Variants in MTHFD2L observed in about 807,000 individuals in gnomAD.
MTHFD2L encodes the protein bifunctional methylenetetrahydrofolate dehydrogenase/cyclohydrolase 2, mitochondrial.
A neutral mutation model predicts 34.9 loss-of-function variants in MTHFD2L; 29 were observed. The ratio of observed to expected loss-of-function variants is 0.83; its 90% CI spans 0.62 to 1.13. MTHFD2L has a LOEUF of 1.13. Ranked by LOEUF, MTHFD2L falls within the 50% of genes most tolerant of loss-of-function variation. The pLI is 0.00. For missense variants in MTHFD2L, 481 were observed against 446.5 expected (o/e 1.08, Z -0.70); for synonymous variants, 167 against 155.7 (o/e 1.07, Z -0.54).
chr4:74,190,181 T>C (rs192463174), intron 3 of MTHFD2L, among the ~76,000 whole-genome samples: 5 of 152,278 alleles, frequency 3.3e-5, no homozygotes, highest in African/African-American at 1.2e-4. Flanking sequence ...AATCTAAGTG[T>C]TTTCTTCTAT....
At chr4:74,258,917 A>G (rs2110217087) in intron 6 of MTHFD2L, among the ~76,000 whole-genome samples, 1 of 152,350 alleles carries the variant, frequency 6.6e-6, no homozygotes, top group Middle Eastern at 3.4e-3. Flanking sequence ...AAAAAAATAA[A>G]TAAATAACTT....
chr4:74,166,036 A>G (rs544702999), intron 1 of MTHFD2L, among the ~76,000 whole-genome samples: 1 of 152,382 alleles, frequency 6.6e-6, no homozygotes, highest in African/African-American at 2.4e-5. Context: ...TTATTCCAGG[A>G]AATTTTATTC....
chr4:74,284,862 AT>A (rs1747957577), intron 7 of MTHFD2L, among the ~76,000 whole-genome samples: 2 of 152,152 alleles, frequency 1.3e-5, no homozygotes, highest in South Asian at 2.1e-4. Flanking sequence ...AGGACTATAA[AT>A]CATGCTGCTA....
chr4:74,268,169 A>T (rs1352235713), intron 6 of MTHFD2L: 1 of 983,682 alleles, frequency 1.0e-6, no homozygotes, highest in African/African-American at 1.8e-5. Flanking sequence ...TACCTGGGAG[A>T]AGACACTGAG....
chr4:74,204,195 G>A (rs1041389133), intron 5 of MTHFD2L, among the ~76,000 whole-genome samples: 3 of 151,970 alleles, frequency 2.0e-5, no homozygotes, highest in Non-Finnish European at 2.9e-5. Flanking sequence ...CTGTGATCTC[G>A]GGCAAGTCAT....
chr4:74,131,394 C>A (rs181922826), intron 1 of MTHFD2L, among the ~76,000 whole-genome samples: 1 of 152,120 alleles, frequency 6.6e-6, no homozygotes, highest in Non-Finnish European at 1.5e-5. Context: ...GATATACAGA[C>A]CAATGGAACA....
chr4:74,259,114 T>G (rs374651191), intron 6 of MTHFD2L, among the ~76,000 whole-genome samples: 7 of 152,240 alleles, frequency 4.6e-5, no homozygotes, highest in African/African-American at 1.7e-4. Flanking sequence ...ACAAAAACTT[T>G]ATTCCAGGAA....
chr4:74,232,285 T>C (rs947041539), intron 6 of MTHFD2L, among the ~76,000 whole-genome samples: 1 of 152,180 alleles, frequency 6.6e-6, no homozygotes, highest in Non-Finnish European at 1.5e-5. Context: ...TGTTCATAGA[T>C]GTGTATTATG....
intron 1 of MTHFD2L, among the ~76,000 whole-genome samples, chr4:74,141,722 A>G (rs746029995): frequency 3.9e-5 from 6 of 152,156 alleles, no homozygotes; most frequent in Non-Finnish European, 7.3e-5. Context: ...TTGAAATAAT[A>G]TTATTCTTGT....
intron 3 of MTHFD2L, among the ~76,000 whole-genome samples, chr4:74,177,101 A>G (rs1031675185): frequency 5.9e-5 from 9 of 151,942 alleles, no homozygotes; most frequent in African/African-American, 2.2e-4. Context: ...GCTCTGGCAG[A>G]TAATGCTTAC....
chr4:74,119,469 A>G (rs1721712961), upstream of MTHFD2L, among the ~76,000 whole-genome samples: 1 of 152,196 alleles, frequency 6.6e-6, no homozygotes, highest in Admixed American at 6.6e-5. Flanking sequence ...AAGACTGCCA[A>G]CAAAAAGAAA....
chr4:74,234,910 A>C (rs937144053), intron 6 of MTHFD2L, among the ~76,000 whole-genome samples: 2 of 151,998 alleles, frequency 1.3e-5, no homozygotes, highest in Non-Finnish European at 2.9e-5. Flanking sequence ...TTTTCCTCTG[A>C]CTCTGAAAAG....
chr4:74,193,073 T>A (rs1732843639), intron 3 of MTHFD2L, among the ~76,000 whole-genome samples: 1 of 152,216 alleles, frequency 6.6e-6, no homozygotes, highest in Non-Finnish European at 1.5e-5. Flanking sequence ...AACTATATAA[T>A]TTTAACTTTT....
At chr4:74,123,625 T>C (rs189616870), upstream of MTHFD2L, among the ~76,000 whole-genome samples, 867 of 152,300 alleles carry the variant, frequency 5.7e-3, 3 homozygotes, top group Non-Finnish European at 9.4e-3. Flanking sequence ...TCAGCCATCA[T>C]AATATCAATA....
chr4:74,160,082 T>C, intron 1 of MTHFD2L: 1 of 1,289,508 alleles, frequency 7.8e-7, no homozygotes, highest in South Asian at 1.2e-5. Context: ...GATTCCATCT[T>C]CCAGAGGTTG....
intron 6 of MTHFD2L, among the ~76,000 whole-genome samples, chr4:74,270,858 C>A (rs1223383350): frequency 6.6e-6 from 1 of 151,906 alleles, no homozygotes; most frequent in Non-Finnish European, 1.5e-5. Context: ...TTAATGATTG[C>A]CATTCTAACT....
At chr4:74,258,214 A>C (rs1056464192) in intron 6 of MTHFD2L, among the ~76,000 whole-genome samples, 1 of 152,198 alleles carries the variant, frequency 6.6e-6, no homozygotes, top group Admixed American at 6.5e-5. Flanking sequence ...ATTAACTAGT[A>C]ATCACCCTTC....
chr4:74,166,996 G>A (rs980526076), intron 1 of MTHFD2L, among the ~76,000 whole-genome samples: 11 of 151,760 alleles, frequency 7.2e-5, no homozygotes, highest in African/African-American at 2.7e-4. Flanking sequence ...ATGCCAGGCT[G>A]GTCCCCATGG....
intron 6 of MTHFD2L, chr4:74,267,566 G>A (rs1745471002): frequency 3.8e-6 from 1 of 263,960 alleles, no homozygotes; most frequent in Admixed American, 6.5e-5. Context: ...CCACAGCCAT[G>A]CACCACCATG....
Sources: allele counts gnomAD v4.1 joint callset (sites outside exome capture counted in the v4.1 genomes callset), GRCh38; gene constraint gnomAD v4.1.1; transcripts MANE v1.5; gene names NCBI Gene and HGNC (gene_info 2026-07-23, HGNC 2026-07-21).